The following ANKS1B variants were observed in gnomAD, a reference collection of about 807,000 sequenced individuals.
The protein encoded by ANKS1B is ankyrin repeat and sterile alpha motif domain-containing protein 1B.
A neutral mutation model predicts 148.3 loss-of-function variants in ANKS1B; 36 were observed. The ratio of observed to expected loss-of-function variants is 0.24; its 90% confidence interval spans 0.19 to 0.32. The LOEUF (loss-of-function observed/expected upper bound fraction) is 0.32, where lower values mean the gene tolerates loss of function less well. Among genes scored for constraint, ANKS1B ranks in the 10% least tolerant of loss-of-function variants. The pLI, the probability that ANKS1B is intolerant of heterozygous loss-of-function variation, is 1.00. For missense variants in ANKS1B, 1,157 were observed against 1,542.6 expected, an observed-to-expected ratio of 0.75 and a Z score of 4.19; for synonymous variants, 542 against 560.8, an observed-to-expected ratio of 0.97 and a Z score of 0.47.
At position 99,324,587 on chromosome 12, in the gene ANKS1B, C is replaced by A. The variant is rs1244752832; in HGVS notation, c.1756+75044G>T. On this transcript the variant is annotated intron_variant, in intron 12 of 26. Coordinates refer to ENST00000683438, the MANE Select transcript of ANKS1B (RefSeq NM_001352186.2). ...ATTTGATTTTTAGCCTTTTCACTGT[C>A]TTTTATCTCCTCACAATTACATAAA... Among the ~76,000 whole-genome samples the A allele has an allele frequency of 2.0e-5, 3 of 152,246 alleles. No individual in the cohort carries two copies. The East Asian group carries it at 5.8e-4, about 29-fold the overall frequency.
chr12:99,571,749 T>C (rs997478841), intron 9 of ANKS1B, among the ~76,000 whole-genome samples: 2 of 152,174 alleles, frequency 1.3e-5, no homozygotes, highest in South Asian at 4.1e-4. Context: ...GCCAAGTCAT[T>C]ATTATATCCA....
At chr12:98,883,726 G>A (rs2099723652) in intron 17 of ANKS1B, among the ~76,000 whole-genome samples, 1 of 152,204 alleles carries the variant, frequency 6.6e-6, no homozygotes, top group Non-Finnish European at 1.5e-5. Flanking sequence ...AGCCCAGAGA[G>A]ATTGAGTAGT....
intron 17 of ANKS1B, chr12:98,895,271 C>G (rs1335753951): frequency 4.1e-6 from 4 of 985,328 alleles, no homozygotes; most frequent in Non-Finnish European, 4.8e-6. Context: ...GCTGGGCGCC[C>G]CTCGCATCCT....
chr12:99,533,624 A>G (rs1037810948), intron 9 of ANKS1B, among the ~76,000 whole-genome samples: 9 of 152,168 alleles, frequency 5.9e-5, no homozygotes, highest in African/African-American at 2.2e-4. Flanking sequence ...CTTCAGGGAG[A>G]ATGCTTTCAA....
rs117306288 is a variant in ANKS1B at position 99,705,186 on chromosome 12, C to G, written c.1129-49976G>C. 4.4e-3 allele frequency among the ~76,000 whole-genome samples: 674 copies of G among 152,260 alleles called. 4 individuals carry two copies. The highest frequency in any genetic ancestry group is 7.2e-3 in the Non-Finnish European group (487 of 67,990). ...TAGATTCCCATATGCCTTTCTCACT[C>G]TATAGCCTGGTGACTATCCGTCCCT... On this transcript the variant is annotated intron_variant, in intron 8 of 26. Transcript: ENST00000683438.
chr12:99,975,828 A>C (rs567948702), intron 1 of ANKS1B, among the ~76,000 whole-genome samples: 1 of 152,270 alleles, frequency 6.6e-6, no homozygotes, highest in South Asian at 2.1e-4. Context: ...CTACCATTCG[A>C]CCCAGCAATC....
chr12:99,282,448 G>C (rs1223337588), intron 12 of ANKS1B, among the ~76,000 whole-genome samples: 1 of 152,140 alleles, frequency 6.6e-6, no homozygotes, highest in Admixed American at 6.6e-5. Context: ...GGAGGGTTTG[G>C]GGGAGAGATG....
intron 17 of ANKS1B, among the ~76,000 whole-genome samples, chr12:98,968,708 T>TA (rs2099880723): frequency 6.6e-6 from 1 of 150,534 alleles, no homozygotes; most frequent in Admixed American, 6.6e-5. Context: ...TTAGGATTTT[T>TA]AAATAAAATG....
intron 8 of ANKS1B, among the ~76,000 whole-genome samples, chr12:99,725,349 G>C (rs573402554): frequency 2.0e-5 from 3 of 152,126 alleles, no homozygotes; most frequent in African/African-American, 7.2e-5. Flanking sequence ...GAAAGCAGGG[G>C]TTGCAATCCT....
At chr12:99,159,829 A>G (rs762868164) in intron 14 of ANKS1B, among the ~76,000 whole-genome samples, 1 of 152,202 alleles carries the variant, frequency 6.6e-6, no homozygotes, top group East Asian at 1.9e-4. Context: ...AGTCTGAACT[A>G]AGTGACATTC....
intron 14 of ANKS1B, among the ~76,000 whole-genome samples, chr12:99,221,122 G>A (rs1169360077): frequency 1.3e-5 from 2 of 152,012 alleles, no homozygotes; most frequent in Admixed American, 6.5e-5. Context: ...GGCAGATCAC[G>A]AGGTCAGGAG....
rs1601676861 is a variant in ANKS1B, at chr12:99,206,783, T to C, written c.2419+37559A>G. 2.6e-5 allele frequency among the ~76,000 whole-genome samples: 4 copies of C among 152,294 alleles called. No individual in the cohort carries two copies. In the East Asian group the frequency reaches 7.7e-4, roughly 29 times the overall value. On this transcript the variant is annotated intron_variant, in intron 14 of 26. Transcript: ENST00000683438. Reference sequence around the variant, plus strand: ...TAAGAAACAAGCTAAATGGAAAATATAGCCTATTGAACTAGATCAGTCTCT... The same window carrying C: ...TAAGAAACAAGCTAAATGGAAAATACAGCCTATTGAACTAGATCAGTCTCT...
intron 14 of ANKS1B, among the ~76,000 whole-genome samples, chr12:99,202,567 T>A (rs1190781353): frequency 6.6e-6 from 1 of 152,248 alleles, no homozygotes. Context: ...AAAGTTCTCA[T>A]CTTTCTAACA....
At chr12:99,038,108 C>T (rs959782135) in intron 17 of ANKS1B, among the ~76,000 whole-genome samples, 1 of 152,102 alleles carries the variant, frequency 6.6e-6, no homozygotes, top group Non-Finnish European at 1.5e-5. Context: ...TTTTTCTCAG[C>T]CATGGATCAT....
At chr12:98,983,222 A>T (rs1300532026) in intron 17 of ANKS1B, among the ~76,000 whole-genome samples, 1 of 152,142 alleles carries the variant, frequency 6.6e-6, no homozygotes, top group Non-Finnish European at 1.5e-5. Flanking sequence ...CTGTGGAAAA[A>T]TCTGCTTCCA....
At chr12:99,965,888 G>A (rs74533076) in intron 1 of ANKS1B, among the ~76,000 whole-genome samples, 3,257 of 152,186 alleles carry the variant, frequency 0.021, 122 homozygotes, top group African/African-American at 0.074. Context: ...CTCCAGCCTG[G>A]GCGACAAAGT....
Position 99,532,031 on chromosome 12 carries a change from T to C in ANKS1B, c.1273-27390A>G, listed in dbSNP as rs568085182. Among the ~76,000 whole-genome samples the C allele has an allele frequency of 1.3e-3, 192 of 144,926 alleles. 1 individual carries two copies. Among genetic ancestry groups the C allele is most frequent in the African/African-American group, 5.0e-3 (189 of 37,550 alleles). On this transcript the variant is annotated intron_variant, in intron 9 of 26. Transcript: ENST00000683438. ...ATCTGTTCATATTGCTTGTCTACTT[T>C]GTAACGGGATTGTTTTTTTTTTTCT...
chr12:99,357,653 CTAT>C (rs1450952637), intron 12 of ANKS1B, among the ~76,000 whole-genome samples: 1 of 152,100 alleles, frequency 6.6e-6, no homozygotes, highest in East Asian at 1.9e-4. Context: ...GTTTTGCCTA[CTAT>C]TATGTCCCTA....
intron 8 of ANKS1B, among the ~76,000 whole-genome samples, chr12:99,763,544 T>C (rs10778022): frequency 0.44 from 66,305 of 151,770 alleles, 14,894 homozygotes; most frequent in South Asian, 0.61. Flanking sequence ...AAAAGCTACA[T>C]ATTGGGTACT....
Sources: allele counts gnomAD v4.1 joint callset (sites outside exome capture counted in the v4.1 genomes callset), GRCh38; gene constraint gnomAD v4.1.1; transcripts MANE v1.5; gene names NCBI Gene and HGNC (gene_info 2026-07-23, HGNC 2026-07-21).